Variants in SIAE observed in about 807,000 individuals in gnomAD.
The protein encoded by SIAE is sialate O-acetylesterase.
A neutral mutation model predicts 52.6 loss-of-function variants in SIAE; 39 were observed. The observed-to-expected ratio is 0.74, with a 90% confidence interval of 0.57 to 0.97. SIAE has a LOEUF of 0.97. Ranked by LOEUF, SIAE falls within the 50% of genes least tolerant of loss-of-function variation. SIAE has a pLI of 0.00. For missense variants in SIAE, 592 were observed against 662.1 expected (o/e 0.89, Z 1.16); for synonymous variants, 233 against 241.4 (o/e 0.97, Z 0.32).
intron 5 of SIAE, among the ~76,000 whole-genome samples, 200 bp downstream of exon 5, chr11:124,649,419 C>T (rs1026105417): frequency 6.6e-6 from 1 of 151,152 alleles, no homozygotes; most frequent in African/African-American, 2.4e-5. Context: ...GGAAAAGATA[C>T]TTTTTTTTTA....
Position 124,645,944 on chromosome 11 carries a change from G to A in SIAE, c.966+1421C>T, listed in dbSNP as rs1317962465. ...GAAAAGGACAAGGTAGGGGAGTGGG[G>A]AGGATGGTGAGAAGTCATCTGTGGG... On this transcript the variant is annotated intron_variant, in intron 7 of 9. Transcript: ENST00000263593. This position sits in a 1 kb window ranked among gnomAD's most constrained non-coding sequence, Gnocchi z 4.7. Among the ~76,000 whole-genome samples, 1 of 152,238 alleles carries A rather than the reference G, an allele frequency of 6.6e-6. No homozygotes were observed. The highest frequency in any genetic ancestry group is 2.4e-5 in the African/African-American group (1 of 41,458).
At chr11:124,661,976 T>C (rs1179565608) in intron 2 of SIAE, among the ~76,000 whole-genome samples, 3 of 152,210 alleles carry the variant, frequency 2.0e-5, no homozygotes, top group Admixed American at 1.3e-4. Flanking sequence ...GATGTCCTAA[T>C]GTACAACAGG....
upstream of SIAE, chr11:124,675,528 G>C: frequency 8.4e-7 from 1 of 1,191,628 alleles, no homozygotes; most frequent in Non-Finnish European, 1.2e-6. Context: ...TATGAGGCAG[G>C]GAGTTTCAGA....
intron 3 of SIAE, 79 bp downstream of exon 3, chr11:124,660,549 C>T (rs988214829): frequency 2.0e-6 from 3 of 1,475,280 alleles, no homozygotes; most frequent in Admixed American, 3.3e-5. Context: ...CCTGCTTCTC[C>T]TTGTTGCCCC....
Position 124,647,352 on chromosome 11 carries a change from AC to A in SIAE, c.966+12del. On this transcript the variant is annotated intron_variant, in intron 7 of 9. Transcript: ENST00000263593. The stretch of plus-strand genomic sequence containing the variant: ...TGTTGACATGAACAGAGAAGCCTTT[AC>A]CCACATCGTACCTGGACAAGTCCAA... 1.2e-6 allele frequency: 2 copies of A among 1,614,152 alleles called. No homozygotes were observed. Among genetic ancestry groups the A allele is most frequent in the Non-Finnish European group, 1.7e-6 (2 of 1,180,032 alleles).
chr11:124,673,503 A>G, intron 1 of SIAE, 139 bp downstream of exon 1: 1 of 981,596 alleles, frequency 1.0e-6, no homozygotes, highest in Non-Finnish European at 1.5e-6. Context: ...CCTCGGTCGG[A>G]GACGCGAGCC....
chr11:124,642,661 C>T (rs541749343), intron 7 of SIAE, among the ~76,000 whole-genome samples: 2 of 152,248 alleles, frequency 1.3e-5, no homozygotes, highest in East Asian at 3.9e-4. Flanking sequence ...AGGGGGAACT[C>T]GTAATTTGAT....
At position 124,638,546 on chromosome 11, in the gene SIAE, A is replaced by G. The variant is rs387906247; in HGVS notation, c.1316T>C (p.Phe439Ser). Residue 439 changes from phenylalanine to serine, a missense_variant, in exon 9 of 10, where the codon TTT becomes TCT. By Grantham distance (155) the Phe-to-Ser change is radical. Coordinates refer to ENST00000263593, the MANE Select transcript of SIAE (RefSeq NM_170601.5). ...TTATTCTGCTGTTCTTCTCACCTCA[A>G]ATATCTTGTTGTCCTTTTTCTGCAC... ...IQVQKKDNKI[F>S]EISCCSDHRC... The G allele has an allele frequency of 5.0e-6, 8 of 1,613,990 alleles. No homozygotes were observed. The highest frequency in any genetic ancestry group is 4.5e-5 in the East Asian group (2 of 44,894).
chr11:124,653,610 T>A (rs1943049481), intron 4 of SIAE, among the ~76,000 whole-genome samples: 1 of 151,946 alleles, frequency 6.6e-6, no homozygotes, highest in African/African-American at 2.4e-5. Flanking sequence ...ATTGTTGAGG[T>A]GGAAGCAGAA....
chr11:124,665,590 G>C (rs938785115), intron 2 of SIAE, among the ~76,000 whole-genome samples: 1 of 152,228 alleles, frequency 6.6e-6, no homozygotes, highest in Admixed American at 6.5e-5. Flanking sequence ...CACAGAAATT[G>C]TGAGATAGTA....
chr11:124,674,004 T>G, upstream of SIAE: 1 of 443,994 alleles, frequency 2.3e-6, no homozygotes, highest in Non-Finnish European at 4.1e-6. Context: ...GCCTTTTCCC[T>G]TCGTCTCTCT....
In SIAE at chr11:124,673,652, G is replaced by T; in HGVS notation, c.57C>A (p.Asp19Glu). ...GCCGGGCCGCCTCACCTGCACTTCT[G>T]TCGGCCCACAGGATTAATGGCAGCA... ...GLVLPLILWA[D>E]RSAGIGFRFA... The change falls in exon 1 of 10, where the codon GAC (aspartate) becomes GAA (glutamate). Residue 19 changes from aspartate (D) to glutamate (E), a missense_variant. Asp to Glu is a conservative substitution (Grantham distance 45). Transcript: ENST00000263593. 2 of 1,613,656 alleles carry T rather than the reference G, an allele frequency of 1.2e-6. No individual in the cohort carries two copies. The highest frequency in any genetic ancestry group is 2.2e-5 in the South Asian group (2 of 91,038).
At position 124,634,164 on chromosome 11, in the gene SIAE, C is replaced by T. The variant is rs532856337; in HGVS notation, c.*2787G>A. On this transcript the variant is annotated 3_prime_UTR_variant, in exon 10 of 10. Coordinates refer to ENST00000263593, the MANE Select transcript of SIAE (RefSeq NM_170601.5). The stretch of plus-strand genomic sequence containing the variant: ...TCGAGACCATCCTGGCTAAGTCGGT[C>T]TCTAATAAAAATACAAAAAATTAGC... 2.0e-5 allele frequency: 3 copies of T among 152,266 alleles called. No homozygotes were observed. Among genetic ancestry groups the T allele is most frequent in the Admixed American group, 2.0e-4 (3 of 15,294 alleles). The allele number at this position is 152,266 out of a possible 1,614,324, so 9.4% of individuals were successfully genotyped here.
At chr11:124,667,041 T>A (rs7105102) in intron 2 of SIAE, among the ~76,000 whole-genome samples, 1 of 152,152 alleles carries the variant, frequency 6.6e-6, no homozygotes, top group Non-Finnish European at 1.5e-5. Flanking sequence ...CTATGTAATA[T>A]TGTATGCTTT....
At chr11:124,668,934 G>T (rs1026120183) in intron 2 of SIAE, among the ~76,000 whole-genome samples, 1 of 152,102 alleles carries the variant, frequency 6.6e-6, no homozygotes, top group East Asian at 1.9e-4. Context: ...GTTGGGCAAG[G>T]ACTACCAGAG....
chr11:124,669,612 T>C lies in SIAE; in HGVS notation c.68-91A>G. 8 of 1,211,558 alleles carry C rather than the reference T, an allele frequency of 6.6e-6. No individual in the cohort carries two copies. The South Asian group carries it at 9.9e-5, about 15-fold the overall frequency. The allele number at this position is 1,211,558 out of a possible 1,614,324, so 75.1% of individuals were successfully genotyped here. ...GAAACAGCAAAGAACATACAGTCTT[T>C]ATGCAAGAGAATTTTAACATACTAA... is the stretch of plus-strand genomic sequence containing the variant. On this transcript the variant is annotated intron_variant, in intron 1 of 9. Transcript: ENST00000263593.
At chr11:124,667,477 G>A (rs1011675675) in intron 2 of SIAE, among the ~76,000 whole-genome samples, 1 of 152,200 alleles carries the variant, frequency 6.6e-6, no homozygotes, top group South Asian at 2.1e-4. Context: ...TTGCTGAATG[G>A]AAATGAATTT....
chr11:124,644,365 A>AC (rs1942897966), intron 7 of SIAE, among the ~76,000 whole-genome samples: 1 of 151,682 alleles, frequency 6.6e-6, no homozygotes, highest in African/African-American at 2.4e-5. Flanking sequence ...AAAAAAAAAA[A>AC]AAAAAAAAAC....
chr11:124,635,685 A>G lies in SIAE; in HGVS notation c.*1266T>C, dbSNP rs1001508638. The G allele has an allele frequency of 3.3e-5, 5 of 152,134 alleles. No homozygotes were observed. Among genetic ancestry groups the G allele is most frequent in the African/African-American group, 9.7e-5 (4 of 41,434 alleles). 9.4% of individuals were successfully genotyped at this position (152,134 alleles called of 1,614,324 possible). A position where few individuals can be genotyped will look rare whatever the true frequency, so the allele number is the denominator to read the frequency against. ...TACAGTGAGTGATGCTTTTTGCTTT[A>G]GTTCTCATTTTTCACATTAAGGGGA... On this transcript the variant is annotated 3_prime_UTR_variant, in exon 10 of 10. Transcript: ENST00000263593.
Sources: allele counts gnomAD v4.1 joint callset (sites outside exome capture counted in the v4.1 genomes callset), GRCh38; gene constraint gnomAD v4.1.1; non-coding constraint Gnocchi (gnomAD v3.1); transcripts MANE v1.5; gene names NCBI Gene and HGNC (gene_info 2026-07-23, HGNC 2026-07-21).